Variants in NCAM2 observed in about 807,000 individuals in gnomAD.
The protein encoded by NCAM2 is neural cell adhesion molecule 2.
In NCAM2, 30 loss-of-function variants were observed where a neutral mutation model predicts 98.1. That is an observed-to-expected ratio of 0.31 (90% confidence interval 0.23 to 0.41). The LOEUF (loss-of-function observed/expected upper bound fraction) is 0.41. Ranked by LOEUF, NCAM2 falls within the 10% of genes least tolerant of loss-of-function variation. The pLI, the probability that NCAM2 is intolerant of heterozygous loss-of-function variation, is 1.00. For synonymous variants in NCAM2, 368 were observed against 342.4 expected (o/e 1.07, Z -0.83); for missense variants, 867 against 1,005.8 (o/e 0.86, Z 1.87).
chr21:21,302,209 A>G (rs2073737602), intron 5 of NCAM2, among the ~76,000 whole-genome samples: 4 of 151,802 alleles, frequency 2.6e-5, no homozygotes, highest in Admixed American at 1.3e-4. Context: ...CTTGGAACCA[A>G]CCCAAATGTC....
At chr21:21,494,640 C>T (rs964274975) in intron 15 of NCAM2, among the ~76,000 whole-genome samples, 1 of 151,242 alleles carries the variant, frequency 6.6e-6, no homozygotes, top group African/African-American at 2.4e-5. Context: ...AGAAGAGGTT[C>T]AACTGGATAG....
chr21:21,292,306 C>A lies in NCAM2; in HGVS notation c.619+65C>A. 6.0e-6 allele frequency: 9 copies of A among 1,492,264 alleles called. No homozygotes were observed. In the South Asian group the frequency reaches 1.0e-4, roughly 17 times the overall value. 92.4% of individuals were successfully genotyped at this position (1,492,264 alleles called of 1,614,324 possible). A position where few individuals can be genotyped will look rare whatever the true frequency, so the allele number is the denominator to read the frequency against. Reference sequence around the variant, plus strand: ...TTTAGCAATGTTTTTTATTAAATGGCAACCATGTGAACTCAAAATACAAGT... The same window carrying A: ...TTTAGCAATGTTTTTTATTAAATGGAAACCATGTGAACTCAAAATACAAGT... On this transcript the variant is annotated intron_variant, in intron 5 of 17. Coordinates refer to ENST00000400546, the MANE Select transcript of NCAM2 (RefSeq NM_004540.5).
intron 1 of NCAM2, among the ~76,000 whole-genome samples, chr21:21,165,546 C>T (rs2067923561): frequency 1.3e-5 from 2 of 152,132 alleles, no homozygotes; most frequent in African/African-American, 4.8e-5. Flanking sequence ...GGAGAATATT[C>T]TAAGGAATAG....
intron 6 of NCAM2, among the ~76,000 whole-genome samples, chr21:21,331,578 T>TATAGAGAG (rs1444969281): frequency 4.7e-4 from 1 of 2,150 alleles, no homozygotes; most frequent in African/African-American, 7.5e-4. Flanking sequence ...CATATATATA[T>TATAGAGAG]AGAGAGAGAG....
At chr21:21,499,272 A>G (rs1330744553) in intron 15 of NCAM2, among the ~76,000 whole-genome samples, 3 of 152,296 alleles carry the variant, frequency 2.0e-5, no homozygotes, top group Middle Eastern at 3.4e-3. Context: ...TGTTTGAGAC[A>G]GAGTCTCGCT....
intron 1 of NCAM2, among the ~76,000 whole-genome samples, chr21:21,159,143 A>C (rs950601139): frequency 3.3e-5 from 5 of 152,194 alleles, no homozygotes; most frequent in Non-Finnish European, 4.4e-5. Context: ...TAAAAAATTG[A>C]AAGTAGAAAA....
At chr21:21,215,492 G>A (rs2069857082) in intron 1 of NCAM2, among the ~76,000 whole-genome samples, 1 of 152,114 alleles carries the variant, frequency 6.6e-6, no homozygotes, top group African/African-American at 2.4e-5. Context: ...GCCGAGGTGG[G>A]CAAATCTCTT....
intron 6 of NCAM2, among the ~76,000 whole-genome samples, chr21:21,330,229 G>A (rs1036070854): frequency 2.0e-5 from 3 of 151,752 alleles, no homozygotes; most frequent in Non-Finnish European, 2.9e-5. Context: ...GATTGCTTAA[G>A]GTGGACTCAT....
At chr21:21,169,116 A>G (rs1476509266) in intron 1 of NCAM2, among the ~76,000 whole-genome samples, 1 of 152,132 alleles carries the variant, frequency 6.6e-6, no homozygotes, top group Non-Finnish European at 1.5e-5. Flanking sequence ...CCGAGTAGAG[A>G]TTCCAGAAGT....
chr21:21,313,283 T>C (rs2074116126), intron 5 of NCAM2, among the ~76,000 whole-genome samples: 1 of 152,016 alleles, frequency 6.6e-6, no homozygotes, highest in Non-Finnish European at 1.5e-5. Flanking sequence ...TGCTCTTGTT[T>C]ATCTAGTTTA....
chr21:21,038,185 A>G (rs2064835482), intron 1 of NCAM2, among the ~76,000 whole-genome samples: 1 of 152,222 alleles, frequency 6.6e-6, no homozygotes, highest in Admixed American at 6.5e-5. Context: ...ATTCATTTAA[A>G]TAACTGACAA....
intron 12 of NCAM2, among the ~76,000 whole-genome samples, chr21:21,450,793 T>TGTATGTATGTATAC (rs751489970): frequency 7.0e-6 from 1 of 143,428 alleles, no homozygotes; most frequent in African/African-American, 2.6e-5. Flanking sequence ...TATGTATGTA[T>TGTATGTATGTATAC]ACACACACAC....
At chr21:21,228,239 G>A (rs946672183) in intron 1 of NCAM2, among the ~76,000 whole-genome samples, 5 of 151,554 alleles carry the variant, frequency 3.3e-5, no homozygotes, top group East Asian at 1.9e-4. Flanking sequence ...AAGTCTAATA[G>A]CATCAAATGC....
At chr21:21,384,747 A>T (rs1316123701) in intron 9 of NCAM2, among the ~76,000 whole-genome samples, 1 of 152,068 alleles carries the variant, frequency 6.6e-6, no homozygotes, top group Admixed American at 6.6e-5. Context: ...ATGGTAAATT[A>T]TATAAATATG....
At chr21:21,159,225 CA>C (rs898503501) in intron 1 of NCAM2, among the ~76,000 whole-genome samples, 4 of 151,582 alleles carry the variant, frequency 2.6e-5, no homozygotes, top group African/African-American at 4.8e-5. Context: ...GCTATTATTA[CA>C]AAAAGAGTCA....
At chr21:21,526,336 TAAAC>T (rs1989322865) in intron 16 of NCAM2, among the ~76,000 whole-genome samples, 1 of 151,942 alleles carries the variant, frequency 6.6e-6, no homozygotes, top group African/African-American at 2.4e-5. Flanking sequence ...ATACCAGCAA[TAAAC>T]AAGTGAAATT....
At chr21:21,347,018 A>G (rs1024138489) in intron 8 of NCAM2, among the ~76,000 whole-genome samples, 1 of 151,970 alleles carries the variant, frequency 6.6e-6, no homozygotes, top group Non-Finnish European at 1.5e-5. Flanking sequence ...AAAATAAATA[A>G]TGGAGAACAG....
At chr21:21,355,400 T>G (rs1480845778) in intron 8 of NCAM2, among the ~76,000 whole-genome samples, 2 of 141,552 alleles carry the variant, frequency 1.4e-5, no homozygotes, top group Non-Finnish European at 3.0e-5. Context: ...AAGCAGAGGT[T>G]GCAGGGAGCC....
intron 1 of NCAM2, among the ~76,000 whole-genome samples, chr21:21,127,295 G>T (rs1411166096): frequency 2.0e-5 from 3 of 151,836 alleles, no homozygotes; most frequent in South Asian, 4.2e-4. Context: ...TGGAACATTT[G>T]CAAGTATAGT....
Sources: gnomAD v4.1 joint callset for allele counts (sites outside exome capture counted in the v4.1 genomes callset) on GRCh38, gnomAD v4.1.1 for gene constraint, MANE v1.5 for transcripts, NCBI Gene and HGNC (gene_info 2026-07-23, HGNC 2026-07-21) for gene names.